Variants in ARID1B observed in about 807,000 individuals in gnomAD.
The protein encoded by ARID1B is AT-rich interaction domain 1B, also known as AT-rich interactive domain-containing protein 1B.
In ARID1B, 30 loss-of-function variants were observed where a neutral mutation model predicts 212.3. The ratio of observed to expected loss-of-function variants is 0.14; its 90% CI spans 0.11 to 0.19. The LOEUF is 0.19. ARID1B is among the 10% of genes least tolerant of loss of function. The pLI is 1.00. For missense variants in ARID1B, 2,891 were observed against 3,204.0 expected, an observed-to-expected ratio of 0.90 and a Z score of 2.36; for synonymous variants, 1,402 against 1,301.7, an observed-to-expected ratio of 1.08 and a Z score of -1.66.
intron 9 of ARID1B, among the ~76,000 whole-genome samples, chr6:157,172,555 G>A (rs1389027769): frequency 6.6e-6 from 1 of 152,134 alleles, no homozygotes; most frequent in Non-Finnish European, 1.5e-5. Flanking sequence ...GTGTATTGTT[G>A]AGTGTGCTGA....
intron 4 of ARID1B, among the ~76,000 whole-genome samples, chr6:156,956,847 A>G (rs570108368): frequency 3.9e-4 from 60 of 152,302 alleles, no homozygotes; most frequent in African/African-American, 1.4e-3. Context: ...AAATATGGCT[A>G]GCAGAAGGAA....
chr6:157,025,031 A>T (rs2128483756), intron 4 of ARID1B, among the ~76,000 whole-genome samples: 1 of 152,344 alleles, frequency 6.6e-6, no homozygotes, highest in South Asian at 2.1e-4. Context: ...GCTCGTTTTC[A>T]TGTTGAAGTT....
intron 4 of ARID1B, among the ~76,000 whole-genome samples, chr6:156,960,164 C>G (rs1031906841): frequency 6.6e-6 from 1 of 151,758 alleles, no homozygotes; most frequent in African/African-American, 2.4e-5. Flanking sequence ...CTACTGACCT[C>G]GTGATCTGCC....
At chr6:157,063,967 G>A (rs921212064) in intron 4 of ARID1B, among the ~76,000 whole-genome samples, 1 of 152,196 alleles carries the variant, frequency 6.6e-6, no homozygotes, top group African/African-American at 2.4e-5. Flanking sequence ...CCTGCAGGCT[G>A]ACCTCTGTAG....
In ARID1B at chr6:157,148,352, T is replaced by C. The variant is rs2128633112; in HGVS notation, c.2762-272T>C. Among the ~76,000 whole-genome samples, 1 of 152,258 alleles carries C rather than the reference T, an allele frequency of 6.6e-6. No homozygotes were observed. Among genetic ancestry groups the C allele is most frequent in the East Asian group, 1.9e-4 (1 of 5,150 alleles). On this transcript the variant is annotated intron_variant, in intron 7 of 19. Coordinates refer to ENST00000636930, the MANE Select transcript of ARID1B (RefSeq NM_001374828.1). The surrounding 1 kb of genome is among the most constrained non-coding windows in gnomAD (Gnocchi z 5.6). ...TCATAGGGTTTGTTTTTTGTTTTTTTGTTTGTTTCTTTTTATGACCAGCCT... is the reference window on the plus strand; with the variant it reads ...TCATAGGGTTTGTTTTTTGTTTTTTCGTTTGTTTCTTTTTATGACCAGCCT...
chr6:156,784,515 A>G (rs1286248468), intron 1 of ARID1B, among the ~76,000 whole-genome samples: 1 of 152,176 alleles, frequency 6.6e-6, no homozygotes. Flanking sequence ...GGTAAAGATA[A>G]AATGACTTAG....
intron 4 of ARID1B, chr6:156,985,309 T>C (rs1777855887): frequency 6.6e-6 from 1 of 152,236 alleles, no homozygotes; most frequent in African/African-American, 2.4e-5. Flanking sequence ...TCCGCTGCAT[T>C]GATAAACATA....
At chr6:157,039,670 C>CTTACTTCCTTCCTTCTTTCTTTCTTTCT (rs1781632121) in intron 4 of ARID1B, among the ~76,000 whole-genome samples, 1 of 55,268 alleles carries the variant, frequency 1.8e-5, no homozygotes, top group Non-Finnish European at 3.3e-5. Flanking sequence ...TCCTTCCTTC[C>CTTACTTCCTTCCTTCTTTCTTTCTTTCT]TTCCTTCCTT....
At chr6:157,081,928 G>GT (rs111247908) in intron 4 of ARID1B, among the ~76,000 whole-genome samples, 3 of 151,120 alleles carry the variant, frequency 2.0e-5, no homozygotes, top group Non-Finnish European at 1.5e-5. Context: ...TATCTACCAG[G>GT]TTTTTTTTTC....
chr6:156,780,785 A>G (rs1392309426), intron 1 of ARID1B, among the ~76,000 whole-genome samples: 34 of 152,224 alleles, frequency 2.2e-4, no homozygotes, highest in Admixed American at 2.2e-3. Flanking sequence ...CAAAATTCAG[A>G]TCTTTGATGA....
chr6:156,895,275 G>T (rs1417302892), intron 2 of ARID1B, among the ~76,000 whole-genome samples: 1 of 152,208 alleles, frequency 6.6e-6, no homozygotes, highest in Non-Finnish European at 1.5e-5. Context: ...CTGGCATAAA[G>T]TTCTGTCTGT....
intron 1 of ARID1B, among the ~76,000 whole-genome samples, chr6:156,803,633 CTT>C (rs1384160323): frequency 4.3e-5 from 6 of 139,192 alleles, no homozygotes; most frequent in Admixed American, 7.2e-5. Context: ...ATCTTTTTCT[CTT>C]TTTTTTTTTT....
In ARID1B at chr6:156,927,862, C is replaced by A. The variant is rs180978033; in HGVS notation, c.2137-7604C>A. On this transcript the variant is annotated intron_variant, in intron 3 of 19. Transcript: ENST00000636930. Reference sequence around the variant, plus strand: ...CCTTGGGAATCCAAGACGATAGCATCCCCGTCTTAGAAAAATGGTGTCCAG... The same window carrying A: ...CCTTGGGAATCCAAGACGATAGCATACCCGTCTTAGAAAAATGGTGTCCAG... Among the ~76,000 whole-genome samples, 7 of 152,292 alleles carry A rather than the reference C, an allele frequency of 4.6e-5. No homozygotes were observed. The East Asian group carries it at 1.3e-3, about 29-fold the overall frequency.
intron 4 of ARID1B, among the ~76,000 whole-genome samples, chr6:157,075,911 C>G (rs1784274904): frequency 6.6e-6 from 1 of 152,096 alleles, no homozygotes; most frequent in Non-Finnish European, 1.5e-5. Flanking sequence ...CACGGCGAGT[C>G]ATTGTAACAT....
In ARID1B at chr6:157,042,279, G is replaced by A. The variant is rs183632758; in HGVS notation, c.2248-42383G>A. Among the ~76,000 whole-genome samples the A allele has an allele frequency of 1.6e-4, 24 of 152,216 alleles. No individual in the cohort carries two copies. The East Asian group carries it at 3.9e-3, about 24-fold the overall frequency. The stretch of plus-strand genomic sequence containing the variant: ...TAGGGCTTGCCTATTTGACAATAAC[G>A]TAATTTGATTCTCAAAATAATTTTT... On this transcript the variant is annotated intron_variant, in intron 4 of 19. Transcript: ENST00000636930.
chr6:156,938,032 A>T (rs1480831176), intron 4 of ARID1B: 3 of 152,146 alleles, frequency 2.0e-5, no homozygotes, highest in Non-Finnish European at 4.4e-5. Context: ...TGAATAAAGG[A>T]CAAACTGTAA....
chr6:156,829,203 C>G (rs372009639), intron 1 of ARID1B, 24 bp from the exon 2 acceptor site: 154 of 1,571,184 alleles, frequency 9.8e-5, no homozygotes, highest in Non-Finnish European at 8.6e-5. Flanking sequence ...AATTAATAAA[C>G]CGACTTCTTT....
chr6:156,983,288 G>A (rs905433100), intron 4 of ARID1B, among the ~76,000 whole-genome samples: 14 of 151,560 alleles, frequency 9.2e-5, no homozygotes, highest in African/African-American at 2.9e-4. Context: ...CCAGCTACTC[G>A]AGAGGCTGAG....
At chr6:157,181,919 C>T (rs1051755410) in intron 12 of ARID1B, among the ~76,000 whole-genome samples, 13 of 152,106 alleles carry the variant, frequency 8.5e-5, no homozygotes, top group African/African-American at 2.9e-4. Flanking sequence ...AGTCACCAGC[C>T]CCAAAGCATA....
Sources: gnomAD v4.1 joint callset for allele counts (sites outside exome capture counted in the v4.1 genomes callset) on GRCh38, gnomAD v4.1.1 for gene constraint, Gnocchi (gnomAD v3.1) non-coding constraint, MANE v1.5 for transcripts, NCBI Gene and HGNC (gene_info 2026-07-23, HGNC 2026-07-21) for gene names.